SLC24A3: variants seen among roughly 807,000 people sequenced by gnomAD.
SLC24A3 encodes the protein sodium/potassium/calcium exchanger 3.
In SLC24A3, 28 loss-of-function variants were observed where a neutral mutation model predicts 75.8. That is an observed-to-expected ratio of 0.37 (90% CI 0.27 to 0.51). SLC24A3 has a LOEUF of 0.51. Among genes scored for constraint, SLC24A3 ranks in the 20% least tolerant of loss-of-function variants. The pLI is 0.94. For missense variants in SLC24A3, 663 were observed against 847.8 expected (o/e 0.78, Z 2.71); for synonymous variants, 372 against 334.1 (o/e 1.11, Z -1.24).
intron 15 of SLC24A3, among the ~76,000 whole-genome samples, chr20:19,709,196 C>T (rs1356076786): frequency 6.6e-6 from 1 of 152,142 alleles, no homozygotes; most frequent in Non-Finnish European, 1.5e-5. Context: ...TTTATTCACC[C>T]ACTCCTCAGA....
chr20:19,483,131 G>T (rs892829820), intron 2 of SLC24A3, among the ~76,000 whole-genome samples: 1 of 152,158 alleles, frequency 6.6e-6, no homozygotes, highest in Non-Finnish European at 1.5e-5. Context: ...CTAAGGCCAG[G>T]CACATCAGGG....
chr20:19,220,277 T>A (rs1981669562), intron 1 of SLC24A3, among the ~76,000 whole-genome samples: 1 of 152,260 alleles, frequency 6.6e-6, no homozygotes, highest in Non-Finnish European at 1.5e-5. Context: ...AGCTCATCTG[T>A]GACCTAATTT....
chr20:19,536,898 T>G (rs1362823584), intron 3 of SLC24A3, among the ~76,000 whole-genome samples: 1 of 152,176 alleles, frequency 6.6e-6, no homozygotes, highest in African/African-American at 2.4e-5. Flanking sequence ...AAGACTTACA[T>G]GTTACACCTA....
In SLC24A3 at chr20:19,645,482, A is replaced by T. The variant is rs552776104; in HGVS notation, c.613-8580A>T. Among the ~76,000 whole-genome samples, 3 of 152,296 alleles carry T rather than the reference A, an allele frequency of 2.0e-5. No homozygotes were observed. In the East Asian group the frequency reaches 5.8e-4, roughly 29 times the overall value. Reference sequence around the variant, plus strand: ...AGGACAATCCTAGCAGAAAGAGAGTAGTATATGGCATCTGACTCTTGGCCT... The same window carrying T: ...AGGACAATCCTAGCAGAAAGAGAGTTGTATATGGCATCTGACTCTTGGCCT... On this transcript the variant is annotated intron_variant, in intron 6 of 16. Coordinates refer to ENST00000328041, the MANE Select transcript of SLC24A3 (RefSeq NM_020689.4).
At chr20:19,562,308 T>G (rs937648853) in intron 3 of SLC24A3, among the ~76,000 whole-genome samples, 1 of 152,174 alleles carries the variant, frequency 6.6e-6, no homozygotes, top group Non-Finnish European at 1.5e-5. Context: ...AAATGTTGTC[T>G]GAGAACATCT....
At chr20:19,322,932 C>T (rs528205069) in intron 2 of SLC24A3, among the ~76,000 whole-genome samples, 29 of 152,208 alleles carry the variant, frequency 1.9e-4, no homozygotes, top group African/African-American at 6.3e-4. Flanking sequence ...ATAGGCCGGG[C>T]GCGGTGGCTC....
intron 2 of SLC24A3, among the ~76,000 whole-genome samples, chr20:19,449,795 A>G (rs998808380): frequency 5.3e-5 from 8 of 152,200 alleles, no homozygotes; most frequent in East Asian, 1.9e-4. Flanking sequence ...CCTGTTCTGT[A>G]TCTAGGGGTC....
chr20:19,249,408 T>G (rs1002216803), intron 1 of SLC24A3, among the ~76,000 whole-genome samples: 9 of 152,222 alleles, frequency 5.9e-5, no homozygotes, highest in Non-Finnish European at 1.2e-4. Flanking sequence ...CAAGACCACT[T>G]TCTTCATTTG....
chr20:19,675,056 A>C (rs1387646302), intron 9 of SLC24A3, among the ~76,000 whole-genome samples: 3 of 152,250 alleles, frequency 2.0e-5, no homozygotes, highest in Non-Finnish European at 4.4e-5. Context: ...TCATTAAAAA[A>C]TAAAAATAAA....
chr20:19,325,117 T>A (rs1299416769), intron 2 of SLC24A3, among the ~76,000 whole-genome samples: 2 of 151,374 alleles, frequency 1.3e-5, no homozygotes, highest in Non-Finnish European at 2.9e-5. Context: ...GTCAGTGGGG[T>A]CACCTCCTTA....
intron 6 of SLC24A3, among the ~76,000 whole-genome samples, chr20:19,650,410 C>T (rs747775895): frequency 4.3e-4 from 65 of 152,132 alleles, no homozygotes; most frequent in Non-Finnish European, 6.2e-4. Context: ...AGCTTAAAGA[C>T]GCAACCCACT....
chr20:19,672,955 C>T lies in SLC24A3; in HGVS notation c.714-646C>T, dbSNP rs372609233. Among the ~76,000 whole-genome samples, 13 of 152,260 alleles carry T rather than the reference C, an allele frequency of 8.5e-5. 1 individual carries two copies. Among genetic ancestry groups the T allele is most frequent in the Admixed American group, 3.9e-4 (6 of 15,308 alleles). On this transcript the variant is annotated intron_variant, in intron 8 of 16. Coordinates refer to ENST00000328041, the MANE Select transcript of SLC24A3 (RefSeq NM_020689.4). Reference sequence around the variant, plus strand: ...ATTTGATTCTGTAGCTAAAGCGAAACCTGGAAAACAAGCTCCTGGTTTTTA... The same window carrying T: ...ATTTGATTCTGTAGCTAAAGCGAAATCTGGAAAACAAGCTCCTGGTTTTTA...
intron 2 of SLC24A3, among the ~76,000 whole-genome samples, chr20:19,481,492 A>G (rs565919023): frequency 1.3e-5 from 2 of 152,234 alleles, no homozygotes; most frequent in Non-Finnish European, 2.9e-5. Context: ...ATTCCATCCC[A>G]TGAATAGGAG....
At chr20:19,416,938 G>A (rs1471693434) in intron 2 of SLC24A3, among the ~76,000 whole-genome samples, 1 of 152,216 alleles carries the variant, frequency 6.6e-6, no homozygotes, top group Non-Finnish European at 1.5e-5. Flanking sequence ...CAGAAGGGGA[G>A]CAGTTAACCT....
chr20:19,608,867 T>C (rs764337550), intron 6 of SLC24A3, among the ~76,000 whole-genome samples: 8 of 152,174 alleles, frequency 5.3e-5, no homozygotes, highest in Non-Finnish European at 1.2e-4. Context: ...CTCTCCCCAT[T>C]CATTACATAA....
At chr20:19,213,694 C>T (rs1981473977) in intron 1 of SLC24A3, among the ~76,000 whole-genome samples, 1 of 152,218 alleles carries the variant, frequency 6.6e-6, no homozygotes, top group Non-Finnish European at 1.5e-5. Context: ...CGGTGCTCTG[C>T]GCAAAGTCTG....
intron 2 of SLC24A3, among the ~76,000 whole-genome samples, chr20:19,480,752 C>G (rs995225118): frequency 2.0e-5 from 3 of 152,154 alleles, no homozygotes; most frequent in Admixed American, 2.0e-4. Context: ...GTTGGCTTAT[C>G]TGAGTCCCCT....
At chr20:19,566,032 T>G (rs2030951815) in intron 3 of SLC24A3, among the ~76,000 whole-genome samples, 1 of 152,184 alleles carries the variant, frequency 6.6e-6, no homozygotes, top group African/African-American at 2.4e-5. Flanking sequence ...TGAAAGCTCA[T>G]TCATTCATTC....
At chr20:19,409,360 T>C (rs969784247) in intron 2 of SLC24A3, among the ~76,000 whole-genome samples, 2 of 152,146 alleles carry the variant, frequency 1.3e-5, no homozygotes, top group African/African-American at 4.8e-5. Flanking sequence ...ATGTTGACAC[T>C]GAAGGGTCTA....
Sources: allele counts gnomAD v4.1 joint callset (sites outside exome capture counted in the v4.1 genomes callset), GRCh38; gene constraint gnomAD v4.1.1; transcripts MANE v1.5; gene names NCBI Gene and HGNC (gene_info 2026-07-23, HGNC 2026-07-21).